ANKS3: variants seen among roughly 807,000 people sequenced by gnomAD.
ANKS3 encodes the protein ankyrin repeat and SAM domain-containing protein 3.
In ANKS3, 62 loss-of-function variants were observed where a neutral mutation model predicts 80.7. The observed-to-expected ratio is 0.77, with a 90% confidence interval of 0.63 to 0.95. ANKS3 has a LOEUF of 0.95. Among genes scored for constraint, ANKS3 ranks in the 40% least tolerant of loss-of-function variants. ANKS3 has a pLI of 0.00. For missense variants in ANKS3, 1,150 were observed against 883.6 expected (o/e 1.30, Z -3.82); for synonymous variants, 489 against 355.3 (o/e 1.38, Z -4.23).
intron 15 of ANKS3, 65 bp from the exon 16 acceptor site, chr16:4,697,481 C>T: frequency 7.4e-7 from 1 of 1,346,878 alleles, no homozygotes; most frequent in Non-Finnish European, 1.0e-6. Context: ...CTGCTTTATT[C>T]TGAGCCCATG....
At chr16:4,732,751 A>T (rs2081712402) in intron 1 of ANKS3, among the ~76,000 whole-genome samples, 1 of 151,572 alleles carries the variant, frequency 6.6e-6, no homozygotes, top group South Asian at 2.1e-4. Context: ...GGTGTAAAGT[A>T]GCATTAGAGA....
At chr16:4,702,025 G>A in intron 9 of ANKS3, 77 bp downstream of exon 9, 1 of 1,467,864 alleles carries the variant, frequency 6.8e-7, no homozygotes, top group Non-Finnish European at 9.0e-7. Flanking sequence ...CCAGGCCCAG[G>A]GGATAAGTGG....
At position 4,698,540 on chromosome 16, in the gene ANKS3, G is replaced by A. The variant is rs140897507; in HGVS notation, c.1611C>T (p.Ala537=). 180 of 1,577,920 alleles carry A rather than the reference G, an allele frequency of 1.1e-4. No homozygotes were observed. The East Asian group carries it at 2.4e-3, about 21-fold the overall frequency. The change falls in exon 14 of 18, where the codon GCC becomes GCT. Residue 537 remains alanine (A), a synonymous_variant. Coordinates refer to ENST00000304283, the MANE Select transcript of ANKS3 (RefSeq NM_133450.4). ...GQVCQEQELR[A]VVESCLLEQD... ...GCTCCAGCAGGCAGCTCTCCACCAC[G>A]GCGCGCAGCTCCTGCTCCTGACACA...
intron 2 of ANKS3, 49 bp from the exon 3 acceptor site, chr16:4,730,200 G>C (rs141421236): frequency 0.011 from 16,000 of 1,437,386 alleles, 114 homozygotes; most frequent in Non-Finnish European, 0.013. Flanking sequence ...GGTTGTTCCA[G>C]GGCATGAAAC....
intron 6 of ANKS3, among the ~76,000 whole-genome samples, chr16:4,716,099 T>C (rs904628533): frequency 6.6e-6 from 1 of 152,002 alleles, no homozygotes; most frequent in Non-Finnish European, 1.5e-5. Context: ...GGCTCATGCC[T>C]GTAATCCCAG....
chr16:4,733,939 G>T lies in ANKS3; in HGVS notation c.-72C>A. On this transcript the variant is annotated splice_region_variant and 5_prime_UTR_variant, in exon 1 of 18. In the 5' UTR this introduces an upstream ATG that the reference lacks. Transcript: ENST00000304283. ...CTGGCCGACAAACCCGTAACTCACA[G>T]CAGTGACGCTTCCCGACGCCCCCCG... 5 of 985,552 alleles carry T rather than the reference G, an allele frequency of 5.1e-6. No individual in the cohort carries two copies. The highest frequency in any genetic ancestry group is 6.0e-6 in the Non-Finnish European group (5 of 830,016). 61.1% of individuals were successfully genotyped at this position (985,552 alleles called of 1,614,324 possible).
intron 6 of ANKS3, among the ~76,000 whole-genome samples, chr16:4,723,195 C>G (rs962466526): frequency 3.9e-5 from 6 of 152,230 alleles, no homozygotes; most frequent in Non-Finnish European, 5.9e-5. Flanking sequence ...AAGTCACCCA[C>G]TTACAATGTA....
chr16:4,727,356 C>T (rs1229199288), intron 3 of ANKS3, 179 bp from the exon 4 acceptor site: 4 of 659,606 alleles, frequency 6.1e-6, no homozygotes, highest in Non-Finnish European at 1.1e-5. Flanking sequence ...GTTGCTCGTA[C>T]ACTGCCTTGT....
chr16:4,697,946 G>A (rs751486843), intron 15 of ANKS3, 31 bp downstream of exon 15: 7 of 1,523,468 alleles, frequency 4.6e-6, no homozygotes, highest in Admixed American at 2.1e-5. Context: ...CTTCCCCTCT[G>A]CCCAGTGCGG....
At chr16:4,721,294 G>C (rs1327750358) in intron 6 of ANKS3, among the ~76,000 whole-genome samples, 1 of 141,060 alleles carries the variant, frequency 7.1e-6, no homozygotes, top group Admixed American at 7.4e-5. Flanking sequence ...AACAGAGCAA[G>C]ACGCCATCTC....
chr16:4,727,493 G>A, intron 3 of ANKS3: 1 of 423,506 alleles, frequency 2.4e-6, no homozygotes, highest in South Asian at 2.3e-5. Flanking sequence ...ATGTGTGAAG[G>A]CATTTTTGGT....
At chr16:4,716,253 C>CG (rs377064753) in intron 6 of ANKS3, among the ~76,000 whole-genome samples, 2 of 148,930 alleles carry the variant, frequency 1.3e-5, no homozygotes, top group African/African-American at 4.9e-5. Context: ...CCAGCTACTC[C>CG]GGGGGGCTGA....
intron 6 of ANKS3, 171 bp from the exon 7 acceptor site, chr16:4,714,357 A>C (rs2080662226): frequency 2.0e-6 from 2 of 977,940 alleles, no homozygotes; most frequent in Non-Finnish European, 3.0e-6. Context: ...CCGCAGCCAC[A>C]AGTTTTGCTC....
chr16:4,710,266 A>C (rs570234224), intron 7 of ANKS3, among the ~76,000 whole-genome samples: 32 of 152,318 alleles, frequency 2.1e-4, no homozygotes, highest in African/African-American at 7.0e-4. Flanking sequence ...ATGATTTTAA[A>C]TGTTCTCACC....
intron 6 of ANKS3, among the ~76,000 whole-genome samples, chr16:4,720,104 C>A (rs1479811337): frequency 1.7e-5 from 2 of 120,138 alleles, no homozygotes; most frequent in South Asian, 5.7e-4. Flanking sequence ...AGAAGTTGCA[C>A]TGAGCTGAGA....
At position 4,699,045 on chromosome 16, in the gene ANKS3, G is replaced by T. The variant is rs1187501640; in HGVS notation, c.1409+7C>A. ...GCTGAGGGCCAGAGCGGCCCTTCTGGACGCACGTGATGCCAATTTCCTTCA... is the reference window on the plus strand; with the variant it reads ...GCTGAGGGCCAGAGCGGCCCTTCTGTACGCACGTGATGCCAATTTCCTTCA... On this transcript the variant is annotated splice_region_variant and intron_variant, in intron 12 of 17. Coordinates refer to ENST00000304283, the MANE Select transcript of ANKS3 (RefSeq NM_133450.4). The T allele has an allele frequency of 6.2e-7, 1 of 1,614,194 alleles. No homozygotes were observed. Among genetic ancestry groups the T allele is most frequent in the South Asian group, 1.1e-5 (1 of 91,090 alleles).
chr16:4,703,305 G>T (rs553445518), intron 8 of ANKS3, among the ~76,000 whole-genome samples: 1 of 152,178 alleles, frequency 6.6e-6, no homozygotes, highest in East Asian at 1.9e-4. Context: ...GTAGAGATAG[G>T]GTCTTGCTAC....
At position 4,698,185 on chromosome 16, in the gene ANKS3, G is replaced by A. The variant is rs531985769; in HGVS notation, c.1725-123C>T. On this transcript the variant is annotated intron_variant, in intron 14 of 17. Coordinates refer to ENST00000304283, the MANE Select transcript of ANKS3 (RefSeq NM_133450.4). ...TCCTTGCAGCTGGCCCTCATGGGCTGGGCCAGTGCCCCATGAGGCTGCACT... is the reference window on the plus strand; with the variant it reads ...TCCTTGCAGCTGGCCCTCATGGGCTAGGCCAGTGCCCCATGAGGCTGCACT... 1.9e-5 allele frequency: 23 copies of A among 1,231,880 alleles called. No homozygotes were observed. The African/African-American group carries it at 3.2e-4, about 17-fold the overall frequency. 76.3% of individuals were successfully genotyped at this position (1,231,880 alleles called of 1,614,324 possible).
intron 16 of ANKS3, 54 bp downstream of exon 16, chr16:4,697,279 T>G: frequency 1.9e-6 from 3 of 1,562,130 alleles, no homozygotes; most frequent in Non-Finnish European, 2.6e-6. Context: ...GGGGTCCCTT[T>G]GCCTCCCTCG....
Sources: gnomAD v4.1 joint callset for allele counts (sites outside exome capture counted in the v4.1 genomes callset) on GRCh38, gnomAD v4.1.1 for gene constraint, MANE v1.5 for transcripts, NCBI Gene and HGNC (gene_info 2026-07-23, HGNC 2026-07-21) for gene names.